ZNF106: variants seen among roughly 807,000 people sequenced by gnomAD.
ZNF106 encodes zinc finger protein 106, also known as SH3-domain binding protein 3.
In ZNF106, 67 loss-of-function variants were observed where a neutral mutation model predicts 195.1. That is an observed-to-expected ratio of 0.34 (90% CI 0.28 to 0.42). The LOEUF (loss-of-function observed/expected upper bound fraction) is 0.42, where lower values mean the gene tolerates loss of function less well. Among genes scored for constraint, ZNF106 ranks in the 10% least tolerant of loss-of-function variants. The pLI is 1.00. For missense variants in ZNF106, 2,118 were observed against 2,304.5 expected (o/e 0.92, Z 1.66); for synonymous variants, 784 against 818.6 (o/e 0.96, Z 0.72).
Position 42,466,058 on chromosome 15 carries a change from C to G in ZNF106, c.111G>C (p.Lys37Asn). 1 of 1,534,198 alleles carries G rather than the reference C, an allele frequency of 6.5e-7. No homozygotes were observed. The highest frequency in any genetic ancestry group is 8.7e-7 in the Non-Finnish European group (1 of 1,146,092). The change falls in exon 3 of 22, where the codon AAG becomes AAC. Residue 37 changes from lysine to asparagine, a missense_variant. Coordinates refer to ENST00000564754, the MANE Select transcript of ZNF106 (RefSeq NM_001366845.3). Reference protein sequence around the residue: ...MLHHRELENLKGRDISHECRV... With the variant: ...MLHHRELENLNGRDISHECRV... ...GAAGAGAGCCGTTCCCATACCTGCC[C>G]TTGAGGTTCTCAAGTTCCCTGTGAT...
intron 2 of ZNF106, 39 bp from the exon 3 acceptor site, chr15:42,466,153 T>C: frequency 6.8e-7 from 1 of 1,478,716 alleles, no homozygotes; most frequent in Non-Finnish European, 8.9e-7. Flanking sequence ...CTAAGCAGGA[T>C]TGCTTTGAAA....
chr15:42,450,419 G>C lies in ZNF106; in HGVS notation c.1853C>G (p.Ser618Cys), dbSNP rs1244875068. ...TTTTGTTCCATGCTTTTCCGTGTCA[G>C]ATGTCTCTCCATCACTTTCATCTTC... is the stretch of plus-strand genomic sequence containing the variant. ...ALEDESDGET[S>C]DTEKHGTKIG... The change falls in exon 5 of 22, where the codon TCT becomes TGT. Residue 618 changes from serine (S) to cysteine (C), a missense_variant. Transcript: ENST00000564754. 1.2e-6 allele frequency: 2 copies of C among 1,614,158 alleles called. No homozygotes were observed. Among genetic ancestry groups the C allele is most frequent in the Non-Finnish European group, 1.7e-6 (2 of 1,180,032 alleles).
Position 42,451,403 on chromosome 15 carries a change from G to C in ZNF106, c.869C>G (p.Ser290Cys), listed in dbSNP as rs770356006. ...GTGACTGTATTTGTTTGACTTATTAGATTTCTTGTTCCATAGCATAGTCAT... is the reference window on the plus strand; with the variant it reads ...GTGACTGTATTTGTTTGACTTATTACATTTCTTGTTCCATAGCATAGTCAT... Reference protein sequence around the residue: ...EDMTMLWNKKSNKSNKYSHDR... With the variant: ...EDMTMLWNKKCNKSNKYSHDR... The change falls in exon 5 of 22, where the codon TCT (serine) becomes TGT (cysteine). Residue 290 changes from serine (S) to cysteine (C), a missense_variant. By Grantham distance (112) the Ser-to-Cys change is moderately radical. Transcript: ENST00000564754. 8 of 1,614,120 alleles carry C rather than the reference G, an allele frequency of 5.0e-6. 1 individual carries two copies. The South Asian group carries it at 8.8e-5, about 18-fold the overall frequency.
At chr15:42,470,672 T>C (rs1424965229) in intron 2 of ZNF106, among the ~76,000 whole-genome samples, 2 of 152,152 alleles carry the variant, frequency 1.3e-5, no homozygotes, top group Non-Finnish European at 2.9e-5. Context: ...AGATTTAAAA[T>C]GGCAAAATCA....
At chr15:42,437,403 G>A (rs1240272654) in intron 12 of ZNF106, 26 bp from the exon 13 acceptor site, 5 of 1,612,030 alleles carry the variant, frequency 3.1e-6, no homozygotes, top group Non-Finnish European at 4.2e-6. Context: ...AGGTTTCAGA[G>A]ACATGTCTGC....
At chr15:42,430,198 A>G (rs1414062302) in intron 14 of ZNF106, among the ~76,000 whole-genome samples, 1 of 152,104 alleles carries the variant, frequency 6.6e-6, no homozygotes, top group Admixed American at 6.5e-5. Flanking sequence ...ACTACACGTT[A>G]GAACCCTTAA....
chr15:42,450,326 T>A lies in ZNF106; in HGVS notation c.1946A>T (p.Glu649Val). 2 of 1,614,204 alleles carry A rather than the reference T, an allele frequency of 1.2e-6. No homozygotes were observed. Among genetic ancestry groups the A allele is most frequent in the Non-Finnish European group, 1.7e-6 (2 of 1,180,026 alleles). ...SGSTRTADEK[E>V]EDDRILKTSR... ...AGTCTTCAGGATGCGGTCATCCTCC[T>A]CTTTCTCATCAGCAGTTCGAGTGCT... The change falls in exon 5 of 22, where the codon GAG becomes GTG. Residue 649 changes from glutamate (E) to valine (V), a missense_variant. Glu to Val is a moderately radical substitution (Grantham distance 121, BLOSUM62 -2). Transcript: ENST00000564754.
chr15:42,450,403 A>G lies in ZNF106; in HGVS notation c.1869T>C (p.His623=), dbSNP rs1000640312. The G allele has an allele frequency of 1.4e-5, 23 of 1,614,048 alleles. No individual in the cohort carries two copies. In the African/African-American group the frequency reaches 2.3e-4, roughly 16 times the overall value. Reference sequence around the variant, plus strand: ...AACCTAGGGTTCCAATTTTTGTTCCATGCTTTTCCGTGTCAGATGTCTCTC... The same window carrying G: ...AACCTAGGGTTCCAATTTTTGTTCCGTGCTTTTCCGTGTCAGATGTCTCTC... The part of the protein sequence containing the change: ...SDGETSDTEK[H]GTKIGTLGSA... The change falls in exon 5 of 22, where the codon CAT becomes CAC. Residue 623 remains histidine (H), a synonymous_variant. Coordinates refer to ENST00000564754, the MANE Select transcript of ZNF106 (RefSeq NM_001366845.3).
chr15:42,440,137 A>C (rs2055445824), intron 10 of ZNF106, among the ~76,000 whole-genome samples: 1 of 152,220 alleles, frequency 6.6e-6, no homozygotes, highest in African/African-American at 2.4e-5. Flanking sequence ...TAGACACTTA[A>C]ATGTCTACTT....
Position 42,417,320 on chromosome 15 carries a change from C to T in ZNF106, c.5705G>A (p.Ser1902Asn), listed in dbSNP as rs763742238. 6 of 1,614,062 alleles carry T rather than the reference C, an allele frequency of 3.7e-6. No homozygotes were observed. In the East Asian group the frequency reaches 8.9e-5, roughly 24 times the overall value. Residue 1902 changes from serine to asparagine, a missense_variant, in exon 22 of 22, where the codon AGC becomes AAC. Ser to Asn is a conservative substitution (Grantham distance 46, BLOSUM62 1). Transcript: ENST00000564754. ...CAAAAAACTTCATGAATCAATTTTG[C>T]TGTCATCTTCAGCATGTCGTTCAAT... ...GHIERHAEDD[S>N]KIDS is the part of the protein sequence containing the mutation.
rs1385419879 is a variant in ZNF106, at chr15:42,450,668, T to C, written c.1604A>G (p.His535Arg). Residue 535 changes from histidine (H) to arginine (R), a missense_variant, in exon 5 of 22, where the codon CAT (histidine) becomes CGT (arginine). Transcript: ENST00000564754. ...TGTACTTTTATTCCCTTTTAAAACA[T>C]GAGGACATGAACTACGCAGTTTGGA... ...YISKLRSSCPHVLKGNKSTFG... is the reference protein window; with the variant it reads ...YISKLRSSCPRVLKGNKSTFG... The C allele has an allele frequency of 1.2e-6, 2 of 1,614,186 alleles. No individual in the cohort carries two copies. The highest frequency in any genetic ancestry group is 1.7e-6 in the Non-Finnish European group (2 of 1,180,038).
intron 1 of ZNF106, among the ~76,000 whole-genome samples, chr15:42,486,730 T>C (rs1595503234): frequency 6.6e-6 from 1 of 152,250 alleles, no homozygotes; most frequent in Non-Finnish European, 1.5e-5. Context: ...TTTGTTATTA[T>C]GCTGTTTTGC....
chr15:42,445,279 C>A (rs920286774), intron 7 of ZNF106, among the ~76,000 whole-genome samples: 1 of 152,166 alleles, frequency 6.6e-6, no homozygotes, highest in African/African-American at 2.4e-5. Flanking sequence ...CCATGCAAAC[C>A]ACCTGTTCTA....
chr15:42,415,550 T>C lies in ZNF106; in HGVS notation c.*1754A>G, dbSNP rs1050957718. On this transcript the variant is annotated 3_prime_UTR_variant, in exon 22 of 22. Coordinates refer to ENST00000564754, the MANE Select transcript of ZNF106 (RefSeq NM_001366845.3). Reference sequence around the variant, plus strand: ...CACAGACCCTCTTGAAGCCTATCCATAAACCCCCTGGTGAAGTCCCCCTGC... The same window carrying C: ...CACAGACCCTCTTGAAGCCTATCCACAAACCCCCTGGTGAAGTCCCCCTGC... 1 of 451,132 alleles carries C rather than the reference T, an allele frequency of 2.2e-6. No individual in the cohort carries two copies. The highest frequency in any genetic ancestry group is 4.5e-6 in the Non-Finnish European group (1 of 224,570). 27.9% of individuals were successfully genotyped at this position (451,132 alleles called of 1,614,324 possible).
chr15:42,476,786 T>C (rs565017941), intron 1 of ZNF106, among the ~76,000 whole-genome samples: 1 of 152,170 alleles, frequency 6.6e-6, no homozygotes, highest in East Asian at 1.9e-4. Flanking sequence ...AATCTGTGTA[T>C]AAGTGGACCT....
At chr15:42,435,340 G>C in intron 14 of ZNF106, 44 bp downstream of exon 14, 2 of 1,612,544 alleles carry the variant, frequency 1.2e-6, no homozygotes, top group Non-Finnish European at 1.7e-6. Flanking sequence ...AAATACAAAG[G>C]CGACTCAATA....
rs912112125 is a variant in ZNF106, at chr15:42,486,188, G to A, written c.-33+4792C>T. On this transcript the variant is annotated intron_variant, in intron 1 of 21. Coordinates refer to ENST00000564754, the MANE Select transcript of ZNF106 (RefSeq NM_001366845.3). ...GTTGACCAGGATGGCTAGATCCCTT[G>A]ACCTCGTGATCCGCCCACCTCAGCC... Among the ~76,000 whole-genome samples the A allele has an allele frequency of 7.9e-5, 12 of 151,954 alleles. 1 individual carries two copies. The highest frequency in any genetic ancestry group is 7.2e-4 in the Admixed American group (11 of 15,244).
chr15:42,419,830 T>A (rs2054593103), intron 20 of ZNF106, among the ~76,000 whole-genome samples: 1 of 151,880 alleles, frequency 6.6e-6, no homozygotes. Context: ...GGCGCCTGTG[T>A]TCCCAGCTAC....
Position 42,439,821 on chromosome 15 carries a change from G to A in ZNF106, c.3764-8C>T. ...AACTGTCACTGATCTCTCCTGAATT[G>A]AGAGGAAAAAAATTATTGCATCCTT... is the stretch of plus-strand genomic sequence containing the variant. On this transcript the variant is annotated splice_region_variant and splice_polypyrimidine_tract_variant and intron_variant, in intron 10 of 21. Transcript: ENST00000564754. 6.7e-7 allele frequency: 1 copy of A among 1,492,304 alleles called. No individual in the cohort carries two copies. Among genetic ancestry groups the A allele is most frequent in the Non-Finnish European group, 8.9e-7 (1 of 1,124,570 alleles). 92.4% of individuals were successfully genotyped at this position (1,492,304 alleles called of 1,614,324 possible). A position where few individuals can be genotyped will look rare whatever the true frequency, so the allele number is the denominator to read the frequency against.
Sources: allele counts gnomAD v4.1 joint callset (sites outside exome capture counted in the v4.1 genomes callset), GRCh38; gene constraint gnomAD v4.1.1; transcripts MANE v1.5; gene names NCBI Gene and HGNC (gene_info 2026-07-23, HGNC 2026-07-21).